Variants in BICRAL observed in about 807,000 individuals in gnomAD.
The protein encoded by BICRAL is BRD4-interacting chromatin-remodeling complex-associated protein-like.
A neutral mutation model predicts 91.8 loss-of-function variants in BICRAL; 8 were observed. That is an observed-to-expected ratio of 0.09 (90% CI 0.05 to 0.16). The LOEUF (loss-of-function observed/expected upper bound fraction) is 0.16. Among genes scored for constraint, BICRAL ranks in the 10% least tolerant of loss-of-function variants. The probability of loss-of-function intolerance (pLI) is 1.00; values close to 1 mark genes in which losing one functional copy is unlikely to be tolerated. For synonymous variants in BICRAL, 445 were observed against 491.1 expected (o/e 0.91, Z 1.24); for missense variants, 1,038 against 1,310.9 (o/e 0.79, Z 3.21).
At chr6:42,860,236 ATTTC>A in intron 10 of BICRAL, 22 bp from the exon 11 acceptor site, 1 of 1,310,620 alleles carries the variant, frequency 7.6e-7, no homozygotes, top group Non-Finnish European at 1.1e-6. Flanking sequence ...GTCTCTCACT[ATTTC>A]TTTGTCTCTC....
At chr6:42,810,889 A>G (rs944461410) in intron 2 of BICRAL, among the ~76,000 whole-genome samples, 2 of 152,332 alleles carry the variant, frequency 1.3e-5, no homozygotes, top group African/African-American at 4.8e-5. Flanking sequence ...GGTAGAAAAC[A>G]AAAGGAGGCA....
Position 42,857,604 on chromosome 6 carries a change from AAAAAAAAAAAATAT to A in BICRAL, c.2254+370_2254+383del, listed in dbSNP as rs1298689952. On this transcript the variant is annotated intron_variant, in intron 10 of 12. Coordinates refer to ENST00000314073, the MANE Select transcript of BICRAL (RefSeq NM_001393499.1). ...ACATAGGGAGACACTGTCTCTTAAAAAAAAAAAAAAATATATATATATATATATATATTTTTTAG... is the reference window on the plus strand; with the variant it reads ...ACATAGGGAGACACTGTCTCTTAAAAATATATATATATATATATTTTTTAG... 4.3e-4 allele frequency among the ~76,000 whole-genome samples: 40 copies of A among 93,310 alleles called. No individual in the cohort carries two copies. The South Asian group carries it at 0.012, about 28-fold the overall frequency. The allele number at this position is 93,310 out of a possible 152,430, so 61.2% of individuals were successfully genotyped here. A position where few individuals can be genotyped will look rare whatever the true frequency, so the allele number is the denominator to read the frequency against.
At chr6:42,783,358 T>G (rs1762993093) in intron 1 of BICRAL, among the ~76,000 whole-genome samples, 1 of 151,936 alleles carries the variant, frequency 6.6e-6, no homozygotes, top group African/African-American at 2.4e-5. Context: ...GACGGCGCAT[T>G]TTTGGCCGAG....
intron 12 of BICRAL, 35 bp downstream of exon 12, chr6:42,862,647 C>T (rs1346677098): frequency 3.2e-6 from 4 of 1,247,136 alleles, no homozygotes; most frequent in African/African-American, 2.9e-5. Context: ...GTGGATAGCT[C>T]CTGCCATGGT....
chr6:42,791,987 C>A (rs145768596), intron 1 of BICRAL, among the ~76,000 whole-genome samples: 1 of 152,122 alleles, frequency 6.6e-6, no homozygotes. Flanking sequence ...CTGTAGGTAA[C>A]TGTAACTGTA....
chr6:42,849,593 C>T (rs1765116135), intron 6 of BICRAL, among the ~76,000 whole-genome samples: 1 of 151,976 alleles, frequency 6.6e-6, no homozygotes, highest in Admixed American at 6.6e-5. Context: ...GTGCCCACCA[C>T]CACGCCCAGC....
chr6:42,823,580 G>A (rs529749442), intron 5 of BICRAL, among the ~76,000 whole-genome samples: 9 of 152,100 alleles, frequency 5.9e-5, no homozygotes, highest in Non-Finnish European at 1.3e-4. Flanking sequence ...TTGAGCTCAG[G>A]AGTTCAAGAC....
intron 2 of BICRAL, among the ~76,000 whole-genome samples, chr6:42,821,707 G>T (rs1435242303): frequency 1.3e-5 from 2 of 152,182 alleles, no homozygotes; most frequent in African/African-American, 4.8e-5. Flanking sequence ...GGAAGTTACT[G>T]TTCATGGTTT....
chr6:42,775,171 G>A (rs1244132582), intron 1 of BICRAL, among the ~76,000 whole-genome samples: 1 of 152,162 alleles, frequency 6.6e-6, no homozygotes, highest in Non-Finnish European at 1.5e-5. Context: ...CTGACCTCAG[G>A]TGATCCGCCC....
rs545101199 is a variant in BICRAL at position 42,808,031 on chromosome 6, G to T, written c.-101-2275G>T. ...CAGCTGCCTTATATTTAAAACCTGGGTATTTTTTCAATATTTATTATACCC... is the reference window on the plus strand; with the variant it reads ...CAGCTGCCTTATATTTAAAACCTGGTTATTTTTTCAATATTTATTATACCC... On this transcript the variant is annotated intron_variant, in intron 1 of 12. Coordinates refer to ENST00000314073, the MANE Select transcript of BICRAL (RefSeq NM_001393499.1). Among the ~76,000 whole-genome samples the T allele has an allele frequency of 3.9e-5, 6 of 151,946 alleles. No homozygotes were observed. In the East Asian group the frequency reaches 9.7e-4, roughly 24 times the overall value.
chr6:42,759,544 A>C (rs962831920), intron 1 of BICRAL, among the ~76,000 whole-genome samples: 43 of 152,192 alleles, frequency 2.8e-4, no homozygotes, highest in African/African-American at 1.0e-3. Context: ...GATTAACTGG[A>C]AGCAAGAGTT....
chr6:42,844,872 G>C (rs1764945385), intron 6 of BICRAL, among the ~76,000 whole-genome samples: 1 of 152,166 alleles, frequency 6.6e-6, no homozygotes, highest in Admixed American at 6.6e-5. Flanking sequence ...CTAGAGCATT[G>C]CTAGGATTCT....
intron 10 of BICRAL, 33 bp downstream of exon 10, chr6:42,857,269 G>C (rs1481282477): frequency 8.9e-6 from 14 of 1,577,062 alleles, no homozygotes; most frequent in Non-Finnish European, 1.2e-5. Context: ...GCACCACTCT[G>C]ATACCAGGAA....
intron 1 of BICRAL, among the ~76,000 whole-genome samples, chr6:42,759,277 C>T (rs981056352): frequency 1.3e-5 from 2 of 152,214 alleles, no homozygotes; most frequent in African/African-American, 4.8e-5. Context: ...ATCTTGAAGG[C>T]ACTGGAGCTG....
At position 42,864,953 on chromosome 6, in the gene BICRAL, G is replaced by A; in HGVS notation, c.2747G>A (p.Ser916Asn). ...AAAGTGGGCTTAGTGCAGTACCAGAGCACGTCTGAAGAGAAGGCCAGCCGG... is the reference window on the plus strand; with the variant it reads ...AAAGTGGGCTTAGTGCAGTACCAGAACACGTCTGAAGAGAAGGCCAGCCGG... ...FDKVGLVQYQ[S>N]TSEEKASRRE... The change falls in exon 13 of 13, where the codon AGC becomes AAC. Residue 916 changes from serine to asparagine, a missense_variant. Ser to Asn is a conservative substitution (Grantham distance 46). Coordinates refer to ENST00000314073, the MANE Select transcript of BICRAL (RefSeq NM_001393499.1). 6.2e-7 allele frequency: 1 copy of A among 1,614,188 alleles called. No homozygotes were observed. Among genetic ancestry groups the A allele is most frequent in the Non-Finnish European group, 8.5e-7 (1 of 1,180,048 alleles).
At chr6:42,859,846 C>A (rs1485605413) in intron 10 of BICRAL, among the ~76,000 whole-genome samples, 1 of 151,956 alleles carries the variant, frequency 6.6e-6, no homozygotes, top group African/African-American at 2.4e-5. Context: ...GGGGTTTCAC[C>A]ATGTTAGCCA....
chr6:42,857,610 A>ATATAT (rs1315041878), intron 10 of BICRAL, among the ~76,000 whole-genome samples: 3 of 100,412 alleles, frequency 3.0e-5, no homozygotes, highest in African/African-American at 2.5e-4. Context: ...TAAAAAAAAA[A>ATATAT]AAAAATATAT....
chr6:42,758,703 CG>C (rs993351443), intron 1 of BICRAL, among the ~76,000 whole-genome samples: 11 of 125,330 alleles, frequency 8.8e-5, no homozygotes, highest in African/African-American at 3.2e-4. Context: ...ATGATGGAGT[CG>C]GGGGGTCCAA....
At chr6:42,758,841 C>A (rs1309155576) in intron 1 of BICRAL, among the ~76,000 whole-genome samples, 1 of 152,054 alleles carries the variant, frequency 6.6e-6, no homozygotes, top group Non-Finnish European at 1.5e-5. Context: ...AGGCACTTTT[C>A]TAGGTGTTGG....
Sources: allele counts gnomAD v4.1 joint callset (sites outside exome capture counted in the v4.1 genomes callset), GRCh38; gene constraint gnomAD v4.1.1; transcripts MANE v1.5; gene names NCBI Gene and HGNC (gene_info 2026-07-23, HGNC 2026-07-21).